PRUNE2: variants seen among roughly 807,000 people sequenced by gnomAD.
The protein encoded by PRUNE2 is prune homolog 2 with BCH domain, also known as protein prune homolog 2.
A neutral mutation model predicts 252.0 loss-of-function variants in PRUNE2; 164 were observed. The ratio of observed to expected loss-of-function variants is 0.65; its 90% CI spans 0.57 to 0.74. The LOEUF is 0.74. PRUNE2 is among the 30% of genes least tolerant of loss of function. The probability of loss-of-function intolerance (pLI) is 0.00; values close to 1 mark genes in which losing one functional copy is unlikely to be tolerated. For synonymous variants in PRUNE2, 1,292 were observed against 1,350.2 expected, an observed-to-expected ratio of 0.96 and a Z score of 0.94; for missense variants, 3,495 against 3,711.0, an observed-to-expected ratio of 0.94 and a Z score of 1.51.
Position 76,617,585 on chromosome 9 carries a change from C to CTCT in PRUNE2, c.9236+1752_9236+1754dup, listed in dbSNP as rs142422812. The stretch of plus-strand genomic sequence containing the variant: ...CATCATCCACACTGTGATCTTGTGC[C>CTCT]TCTTAAGGGCTCAGGAAAGAGAGGG... On this transcript the variant is annotated intron_variant, in intron 18 of 18. Transcript: ENST00000376718. Among the ~76,000 whole-genome samples, 625 of 152,144 alleles carry CTCT rather than the reference C, an allele frequency of 4.1e-3. 2 individuals carry two copies. The highest frequency in any genetic ancestry group is 0.014 in the African/African-American group (593 of 41,496).
At chr9:76,740,742 T>C (rs2049542450) in intron 6 of PRUNE2, among the ~76,000 whole-genome samples, 1 of 152,220 alleles carries the variant, frequency 6.6e-6, no homozygotes, top group Non-Finnish European at 1.5e-5. Flanking sequence ...TTAATTAGAA[T>C]TCCCTCTTAG....
intron 4 of PRUNE2, among the ~76,000 whole-genome samples, chr9:76,833,804 A>G (rs1263783102): frequency 1.3e-5 from 2 of 151,454 alleles, no homozygotes; most frequent in Non-Finnish European, 1.5e-5. Flanking sequence ...AAAATACAGA[A>G]AGCAGACGTC....
chr9:76,790,395 A>G (rs1201981656), intron 6 of PRUNE2, among the ~76,000 whole-genome samples: 1 of 152,160 alleles, frequency 6.6e-6, no homozygotes, highest in African/African-American at 2.4e-5. Flanking sequence ...TTAATGGGGA[A>G]TTTTCATGCC....
chr9:76,637,991 T>C (rs1840875185), intron 13 of PRUNE2, among the ~76,000 whole-genome samples, 195 bp downstream of exon 13: 1 of 152,224 alleles, frequency 6.6e-6, no homozygotes, highest in South Asian at 2.1e-4. Flanking sequence ...TTGGTTTCAG[T>C]CTAGTCTACC....
At chr9:76,693,401 C>T (rs1476330363) in intron 9 of PRUNE2, among the ~76,000 whole-genome samples, 1 of 148,206 alleles carries the variant, frequency 6.7e-6, no homozygotes, top group African/African-American at 2.5e-5. Flanking sequence ...CAGCAGATGA[C>T]CACCAGGGTA....
In PRUNE2 at chr9:76,826,864, A is replaced by T. The variant is rs1589430900; in HGVS notation, c.509-132T>A. ...TCTCTCACCTGGACCAGAGTCCTCC[A>T]CACGTAACATTCAAGAGCCAATTTT... is the stretch of plus-strand genomic sequence containing the variant. On this transcript the variant is annotated intron_variant, in intron 4 of 18. Coordinates refer to ENST00000376718, the MANE Select transcript of PRUNE2 (RefSeq NM_015225.3). 3.1e-5 allele frequency: 21 copies of T among 675,536 alleles called. No individual in the cohort carries two copies. In the East Asian group the frequency reaches 5.8e-4, roughly 19 times the overall value. The allele number at this position is 675,536 out of a possible 1,614,324, so 41.8% of individuals were successfully genotyped here. A position where few individuals can be genotyped will look rare whatever the true frequency, so the allele number is the denominator to read the frequency against.
intron 1 of PRUNE2, among the ~76,000 whole-genome samples, chr9:76,881,374 T>C (rs187803536): frequency 6.6e-6 from 1 of 152,312 alleles, no homozygotes; most frequent in East Asian, 1.9e-4. Context: ...TATGAGTATA[T>C]ATGAGTAAGT....
At chr9:76,724,744 G>A (rs1283958833) in intron 6 of PRUNE2, among the ~76,000 whole-genome samples, 1 of 152,104 alleles carries the variant, frequency 6.6e-6, no homozygotes, top group African/African-American at 2.4e-5. Context: ...TTAACTAACA[G>A]CCTAATTTAC....
intron 7 of PRUNE2, among the ~76,000 whole-genome samples, chr9:76,713,200 C>T (rs2277155): frequency 0.24 from 36,035 of 151,864 alleles, 4,902 homozygotes; most frequent in East Asian, 0.48. Context: ...AGCATCAGAT[C>T]ACCAGGTCTT....
At chr9:76,725,592 C>G (rs1310012863) in intron 6 of PRUNE2, among the ~76,000 whole-genome samples, 1 of 152,164 alleles carries the variant, frequency 6.6e-6, no homozygotes, top group African/African-American at 2.4e-5. Context: ...TCAAGGCACA[C>G]ACCTTTCACC....
intron 10 of PRUNE2, 114 bp downstream of exon 10, chr9:76,655,309 A>G: frequency 1.2e-6 from 1 of 813,096 alleles, no homozygotes; most frequent in Non-Finnish European, 2.1e-6. Flanking sequence ...TTTTCCTCTC[A>G]CTGTTATCAC....
intron 1 of PRUNE2, among the ~76,000 whole-genome samples, chr9:76,855,082 A>AAAAAAAT (rs1490285240): frequency 2.7e-5 from 3 of 109,438 alleles, no homozygotes; most frequent in African/African-American, 1.2e-4. Context: ...AAAAAAAAAA[A>AAAAAAAT]ATATATATAT....
In PRUNE2 at chr9:76,858,549, G is replaced by T. The variant is rs371287872; in HGVS notation, c.37-4341C>A. Among the ~76,000 whole-genome samples the T allele has an allele frequency of 5.9e-5, 9 of 152,214 alleles. No individual in the cohort carries two copies. In the East Asian group the frequency reaches 1.4e-3, roughly 23 times the overall value. The stretch of plus-strand genomic sequence containing the variant: ...TGCATGTTCTCACTCATAAGTGGGA[G>T]TTGAGCAATGAGAACACATAGACAC... On this transcript the variant is annotated intron_variant, in intron 1 of 18. Transcript: ENST00000376718.
Position 76,833,789 on chromosome 9 carries a change from A to T in PRUNE2, c.509-7057T>A, listed in dbSNP as rs1023700016. ...AAAAAAATAAATAAATAAAAAATTT[A>T]AAAAAAAATACAGAAAGCAGACGTC... On this transcript the variant is annotated intron_variant, in intron 4 of 18. Transcript: ENST00000376718. Among the ~76,000 whole-genome samples, 12 of 150,650 alleles carry T rather than the reference A, an allele frequency of 8.0e-5. No homozygotes were observed. The South Asian group carries it at 8.4e-4, about 10-fold the overall frequency.
At chr9:76,849,166 C>A (rs2059820474) in intron 3 of PRUNE2, among the ~76,000 whole-genome samples, 1 of 152,186 alleles carries the variant, frequency 6.6e-6, no homozygotes, top group Admixed American at 6.5e-5. Context: ...CTGCCTTGGC[C>A]TCCCAAAATG....
At chr9:76,776,893 T>TACACATAC (rs1355456106) in intron 6 of PRUNE2, among the ~76,000 whole-genome samples, 1 of 115,616 alleles carries the variant, frequency 8.6e-6, no homozygotes, top group East Asian at 2.3e-4. Flanking sequence ...CCAAAACACA[T>TACACATAC]ACACACACAC....
intron 9 of PRUNE2, 83 bp from the exon 10 acceptor site, chr9:76,655,585 G>A (rs1461782588): frequency 1.0e-6 from 1 of 998,120 alleles, no homozygotes; most frequent in Non-Finnish European, 1.6e-6. Context: ...ACAGAGTCCA[G>A]GATAACATTT....
At chr9:76,698,252 G>A (rs1207237029) in intron 9 of PRUNE2, among the ~76,000 whole-genome samples, 3 of 151,976 alleles carry the variant, frequency 2.0e-5, no homozygotes, top group Admixed American at 6.6e-5. Context: ...TTGCCGTGTT[G>A]GCTAGGCTGG....
intron 6 of PRUNE2, among the ~76,000 whole-genome samples, chr9:76,791,011 C>T (rs1023603442): frequency 3.3e-5 from 5 of 152,192 alleles, no homozygotes; most frequent in Middle Eastern, 3.4e-3. Flanking sequence ...CTCACTTATA[C>T]GTGAAATCTA....
Sources: allele counts gnomAD v4.1 joint callset (sites outside exome capture counted in the v4.1 genomes callset), GRCh38; gene constraint gnomAD v4.1.1; transcripts MANE v1.5; gene names NCBI Gene and HGNC (gene_info 2026-07-23, HGNC 2026-07-21).